ADAM12: variants seen among roughly 807,000 people sequenced by gnomAD.
ADAM12 encodes the protein ADAM metallopeptidase domain 12.
In ADAM12, 70 loss-of-function variants were observed where a neutral mutation model predicts 106.4. The ratio of observed to expected loss-of-function variants is 0.66; its 90% CI spans 0.54 to 0.80. ADAM12 has a LOEUF of 0.80. Ranked by LOEUF, ADAM12 falls within the 30% of genes least tolerant of loss-of-function variation. The pLI, the probability that ADAM12 is intolerant of heterozygous loss-of-function variation, is 0.00. For synonymous variants in ADAM12, 420 were observed against 433.5 expected (o/e 0.97, Z 0.39); for missense variants, 1,010 against 1,171.9 (o/e 0.86, Z 2.02).
intron 2 of ADAM12, among the ~76,000 whole-genome samples, chr10:126,306,122 C>T (rs552759521): frequency 6.6e-6 from 1 of 151,958 alleles, no homozygotes; most frequent in East Asian, 1.9e-4. Flanking sequence ...TTAAGTCTGG[C>T]ATCCTTCTAC....
chr10:126,156,968 T>C (rs992411811), intron 3 of ADAM12, among the ~76,000 whole-genome samples: 60 of 152,120 alleles, frequency 3.9e-4, no homozygotes, highest in Non-Finnish European at 6.9e-4. Context: ...CTGCCTGCCC[T>C]TTCCTGTCTT....
At chr10:126,348,172 CA>C (rs1211341240) in intron 1 of ADAM12, among the ~76,000 whole-genome samples, 1 of 152,210 alleles carries the variant, frequency 6.6e-6, no homozygotes. Flanking sequence ...TTCTGAATGT[CA>C]GTAGCCTGGA....
intron 3 of ADAM12, among the ~76,000 whole-genome samples, chr10:126,246,402 T>C (rs940244992): frequency 5.3e-5 from 8 of 152,150 alleles, no homozygotes; most frequent in African/African-American, 1.9e-4. Context: ...CCACAAGGTA[T>C]ATACCAAAAC....
intron 3 of ADAM12, among the ~76,000 whole-genome samples, chr10:126,170,887 C>G (rs1393054671): frequency 1.3e-5 from 2 of 152,090 alleles, no homozygotes; most frequent in Admixed American, 1.3e-4. Flanking sequence ...CAAAACAAAA[C>G]AATACAAAAC....
At position 126,015,697 on chromosome 10, in the gene ADAM12, T is replaced by G. The variant is rs749654226; in HGVS notation, c.*1582A>C. 1 of 152,186 alleles carries G rather than the reference T, an allele frequency of 6.6e-6. No homozygotes were observed. The allele number at this position is 152,186 out of a possible 1,614,324, so 9.4% of individuals were successfully genotyped here. ...GCAAACCAAGATTCTTGGTACATAT[T>G]TTTCTGTTTCAAAGCATAGGAAAAC... is the stretch of plus-strand genomic sequence containing the variant. On this transcript the variant is annotated 3_prime_UTR_variant, in exon 23 of 23. Transcript: ENST00000448723.
At chr10:126,047,596 A>C (rs1443952033) in intron 16 of ADAM12, among the ~76,000 whole-genome samples, 1 of 152,132 alleles carries the variant, frequency 6.6e-6, no homozygotes, top group Admixed American at 6.5e-5. Flanking sequence ...CTACAGTTTA[A>C]AAAAAAGGTG....
At chr10:126,078,190 C>T (rs781389989) in intron 11 of ADAM12, among the ~76,000 whole-genome samples, 2 of 152,174 alleles carry the variant, frequency 1.3e-5, no homozygotes, top group Non-Finnish European at 2.9e-5. Context: ...GCCTACATAC[C>T]TCTGATGATG....
At chr10:126,327,718 T>G (rs1254119881) in intron 2 of ADAM12, among the ~76,000 whole-genome samples, 3 of 152,122 alleles carry the variant, frequency 2.0e-5, no homozygotes, top group African/African-American at 7.2e-5. Flanking sequence ...GCATGTCACC[T>G]CTGGGGAAAA....
At chr10:126,109,378 C>G (rs1156407095) in intron 7 of ADAM12, among the ~76,000 whole-genome samples, 1 of 152,114 alleles carries the variant, frequency 6.6e-6, no homozygotes, top group Non-Finnish European at 1.5e-5. Context: ...TCTCTATAGC[C>G]TTCATTCATA....
intron 3 of ADAM12, among the ~76,000 whole-genome samples, chr10:126,272,626 T>C (rs1038942042): frequency 1.3e-5 from 2 of 152,180 alleles, no homozygotes; most frequent in Admixed American, 6.5e-5. Context: ...TCGACATTTG[T>C]TTAGTCACTA....
rs1956392262 is a variant in ADAM12 at position 126,135,674 on chromosome 10, G to A, written c.340-14C>T. 6.2e-7 allele frequency: 1 copy of A among 1,608,452 alleles called. No homozygotes were observed. The highest frequency in any genetic ancestry group is 1.1e-5 in the South Asian group (1 of 90,930). ...GTAACAGTGACCCTAAAGGGGAGGA[G>A]GAGAGAATCCCATTTCAGTTATAAC... On this transcript the variant is annotated splice_polypyrimidine_tract_variant and intron_variant, in intron 4 of 22. Transcript: ENST00000448723.
At chr10:126,305,331 A>G (rs1441613734) in intron 2 of ADAM12, among the ~76,000 whole-genome samples, 1 of 152,112 alleles carries the variant, frequency 6.6e-6, no homozygotes, top group Non-Finnish European at 1.5e-5. Context: ...GAATTTCAAA[A>G]GCATTATGTT....
chr10:126,111,807 C>T (rs1032872877), intron 6 of ADAM12, among the ~76,000 whole-genome samples: 3 of 152,258 alleles, frequency 2.0e-5, no homozygotes, highest in East Asian at 1.9e-4. Context: ...CTGGGGGAGT[C>T]GCCGGCTCAG....
intron 3 of ADAM12, among the ~76,000 whole-genome samples, chr10:126,252,564 A>G (rs1438555812): frequency 6.6e-6 from 1 of 152,158 alleles, no homozygotes; most frequent in Non-Finnish European, 1.5e-5. Flanking sequence ...GCAGGAGAAG[A>G]TGAGTGTCCC....
At chr10:126,321,101 T>C (rs1851369459) in intron 2 of ADAM12, among the ~76,000 whole-genome samples, 1 of 152,194 alleles carries the variant, frequency 6.6e-6, no homozygotes, top group Admixed American at 6.5e-5. Context: ...TCATACGTCC[T>C]TGGGCAAATG....
chr10:126,228,769 GCCAGGCCTCCCAC>G (rs1280115886), intron 3 of ADAM12, among the ~76,000 whole-genome samples: 1 of 152,124 alleles, frequency 6.6e-6, no homozygotes, highest in Non-Finnish European at 1.5e-5. Context: ...GTAGACATGG[GCCAGGCCTCCCAC>G]CCATGTAGCT....
chr10:126,121,167 A>ATATATAGTATATATAC (rs1956096097), intron 5 of ADAM12, among the ~76,000 whole-genome samples: 2 of 83,764 alleles, frequency 2.4e-5, no homozygotes, highest in African/African-American at 5.1e-5. Context: ...TATATATACT[A>ATATATAGTATATATAC]TATATACTAT....
intron 4 of ADAM12, 112 bp downstream of exon 4, chr10:126,155,115 G>T: frequency 2.6e-6 from 3 of 1,168,162 alleles, no homozygotes; most frequent in Non-Finnish European, 3.8e-6. Context: ...TTCTTGGGGG[G>T]GCCTAAGTTA....
chr10:126,266,122 C>T (rs1003987748), intron 3 of ADAM12, among the ~76,000 whole-genome samples: 1 of 152,174 alleles, frequency 6.6e-6, no homozygotes. Flanking sequence ...GCATGCACCT[C>T]ACCTAATCTG....
Sources: gnomAD v4.1 joint callset for allele counts (sites outside exome capture counted in the v4.1 genomes callset) on GRCh38, gnomAD v4.1.1 for gene constraint, MANE v1.5 for transcripts, NCBI Gene and HGNC (gene_info 2026-07-23, HGNC 2026-07-21) for gene names.